The following AHCYL1 variants were observed in gnomAD, a reference collection of about 807,000 sequenced individuals.
The protein encoded by AHCYL1 is S-adenosylhomocysteine hydrolase-like protein 1.
In AHCYL1, 20 loss-of-function variants were observed where a neutral mutation model predicts 79.3. That is an observed-to-expected ratio of 0.25 (90% CI 0.18 to 0.37). The LOEUF is 0.37. Among genes scored for constraint, AHCYL1 ranks in the 10% least tolerant of loss-of-function variants. The probability of loss-of-function intolerance (pLI) is 1.00; values close to 1 mark genes in which losing one functional copy is unlikely to be tolerated. For synonymous variants in AHCYL1, 223 were observed against 242.2 expected (o/e 0.92, Z 0.74); for missense variants, 330 against 673.6 (o/e 0.49, Z 5.65).
intron 1 of AHCYL1, among the ~76,000 whole-genome samples, chr1:109,985,839 C>A (rs573037174): frequency 6.6e-6 from 1 of 152,242 alleles, no homozygotes; most frequent in Non-Finnish European, 1.5e-5. Context: ...TTAGGCATCC[C>A]TGGAGAAAGG....
chr1:110,005,594 T>A (rs1650597258), intron 1 of AHCYL1, among the ~76,000 whole-genome samples: 1 of 152,220 alleles, frequency 6.6e-6, no homozygotes, highest in African/African-American at 2.4e-5. Flanking sequence ...TGATCACCAT[T>A]TCTTGGCTAA....
chr1:110,020,978 C>A, intron 16 of AHCYL1, 127 bp downstream of exon 16: 1 of 1,391,350 alleles, frequency 7.2e-7, no homozygotes, highest in Non-Finnish European at 9.5e-7. Context: ...CTGTTCCAGG[C>A]CAGGCACGGT....
chr1:109,997,890 T>C (rs1265226410), intron 1 of AHCYL1, among the ~76,000 whole-genome samples: 1 of 152,210 alleles, frequency 6.6e-6, no homozygotes, highest in African/African-American at 2.4e-5. Flanking sequence ...ACTTTCCATA[T>C]GCACACTGGA....
rs2101735257 is a variant in AHCYL1 at position 110,014,789 on chromosome 1, G to A, written c.607G>A (p.Glu203Lys). ...AGVAVFAWKG[E>K]SEDDFWWCID... Reference sequence around the variant, plus strand: ...AGTTGCAGTGTTCGCTTGGAAGGGCGAGTCAGAAGATGACTTCTGGTGGTG... The same window carrying A: ...AGTTGCAGTGTTCGCTTGGAAGGGCAAGTCAGAAGATGACTTCTGGTGGTG... Residue 203 changes from glutamate to lysine, a missense_variant, in exon 6 of 17, where the codon GAG becomes AAG. Glu to Lys is a moderately conservative substitution (Grantham distance 56, BLOSUM62 1). Transcript: ENST00000369799. 4 of 1,614,176 alleles carry A rather than the reference G, an allele frequency of 2.5e-6. No individual in the cohort carries two copies. Among genetic ancestry groups the A allele is most frequent in the East Asian group, 2.2e-5 (1 of 44,884 alleles).
chr1:110,012,849 T>C (rs986830503), intron 4 of AHCYL1, 48 bp from the exon 5 acceptor site: 1 of 1,464,282 alleles, frequency 6.8e-7, no homozygotes, highest in Non-Finnish European at 9.4e-7. Context: ...TCTCCATTCC[T>C]GGGTGGCCCT....
chr1:109,993,778 C>T (rs1239889279), intron 1 of AHCYL1, among the ~76,000 whole-genome samples: 1 of 152,138 alleles, frequency 6.6e-6, no homozygotes, highest in African/African-American at 2.4e-5. Context: ...AATTTCTCAC[C>T]ATTGAAACAA....
At position 110,022,217 on chromosome 1, in the gene AHCYL1, T is replaced by A. The variant is rs1651845400; in HGVS notation, c.*537T>A. 1 of 153,066 alleles carries A rather than the reference T, an allele frequency of 6.5e-6. No individual in the cohort carries two copies. Among genetic ancestry groups the A allele is most frequent in the South Asian group, 2.1e-4 (1 of 4,850 alleles). 9.5% of individuals were successfully genotyped at this position (153,066 alleles called of 1,614,324 possible). On this transcript the variant is annotated 3_prime_UTR_variant, in exon 17 of 17. Transcript: ENST00000369799. ...AGGTGGTATGTCCAGTTCAGAGATGTGTATAATGAGCATGGCTTGTTAAGA... is the reference window on the plus strand; with the variant it reads ...AGGTGGTATGTCCAGTTCAGAGATGAGTATAATGAGCATGGCTTGTTAAGA...
rs747463826 is a variant in AHCYL1, at chr1:110,015,495, G to A, written c.746G>A (p.Arg249Gln). Reference sequence around the variant, plus strand: ...TATCCAAACGTGTTTAAGAAGATCCGAGGCATTGTGGAAGAGAGCGTGACT... The same window carrying A: ...TATCCAAACGTGTTTAAGAAGATCCAAGGCATTGTGGAAGAGAGCGTGACT... ...KKYPNVFKKI[R>Q]GIVEESVTGV... is the part of the protein sequence containing the mutation. The change falls in exon 7 of 17, where the codon CGA becomes CAA. Residue 249 changes from arginine (R) to glutamine (Q), a missense_variant. Physicochemically the swap from Arg to Gln is conservative, Grantham distance 43. Around this residue, in one of 6 missense-constraint regions of AHCYL1, gnomAD observed 17 missense variants for 45.6 expected, o/e 0.37. Coordinates refer to ENST00000369799, the MANE Select transcript of AHCYL1 (RefSeq NM_006621.7). The A allele has an allele frequency of 7.4e-6, 12 of 1,614,080 alleles. No individual in the cohort carries two copies. Among genetic ancestry groups the A allele is most frequent in the Admixed American group, 1.7e-5 (1 of 60,006 alleles).
intron 13 of AHCYL1, 117 bp from the exon 14 acceptor site, chr1:110,018,934 T>C: frequency 1.0e-6 from 1 of 966,270 alleles, no homozygotes; most frequent in South Asian, 1.4e-5. Context: ...GAACTGTAAT[T>C]CTTCCTCTTC....
chr1:110,010,376 G>A (rs1570878191), intron 2 of AHCYL1, among the ~76,000 whole-genome samples: 1 of 152,280 alleles, frequency 6.6e-6, no homozygotes, highest in African/African-American at 2.4e-5. Context: ...ACCGTGATGA[G>A]GAAAGTACTC....
intron 1 of AHCYL1, 152 bp from the exon 2 acceptor site, chr1:110,008,882 G>A (rs967772852): frequency 3.6e-5 from 20 of 549,946 alleles, no homozygotes; most frequent in Admixed American, 6.1e-5. Flanking sequence ...GAGTAGCCTC[G>A]GCCTTCCCCC....
chr1:109,985,237 C>T, intron 1 of AHCYL1, 65 bp downstream of exon 1: 1 of 1,553,172 alleles, frequency 6.4e-7, no homozygotes, highest in African/African-American at 1.4e-5. Flanking sequence ...CGCGAGCAAG[C>T]CCGGGCTCTG....
At position 110,016,386 on chromosome 1, in the gene AHCYL1, C is replaced by G. The variant is rs375435451; in HGVS notation, c.825C>G (p.Ala275=). ...AAGCTGGGAAGCTCTGTGTTCCGGC[C>G]ATGAACGTCAATGATTCTGTTACCA... is the stretch of plus-strand genomic sequence containing the variant. ...LSKAGKLCVP[A]MNVNDSVTKQ... Residue 275 remains alanine (A), a synonymous_variant, in exon 8 of 17, where the codon GCC becomes GCG. Transcript: ENST00000369799. 65 of 1,613,966 alleles carry G rather than the reference C, an allele frequency of 4.0e-5. No individual in the cohort carries two copies. The highest frequency in any genetic ancestry group is 5.4e-5 in the Non-Finnish European group (64 of 1,180,006).
chr1:109,991,863 G>A (rs919726216), intron 1 of AHCYL1, among the ~76,000 whole-genome samples: 9 of 152,216 alleles, frequency 5.9e-5, no homozygotes, highest in Admixed American at 4.6e-4. Flanking sequence ...TTTGAGCAAT[G>A]AGAGGATTTT....
At chr1:110,019,141 T>TA (rs1216551510) in intron 14 of AHCYL1, 22 bp downstream of exon 14, 1 of 1,608,706 alleles carries the variant, frequency 6.2e-7, no homozygotes, top group African/African-American at 1.3e-5. Context: ...AATGCCTGCT[T>TA]ACACTGCACT....
intron 1 of AHCYL1, chr1:110,004,506 A>C (rs1650522357): frequency 1.0e-6 from 1 of 983,858 alleles, no homozygotes. Context: ...TTTGGGAAAC[A>C]CTTTTTTTTT....
intron 1 of AHCYL1, among the ~76,000 whole-genome samples, chr1:109,988,112 A>C (rs1229189395): frequency 6.6e-6 from 1 of 152,256 alleles, no homozygotes; most frequent in Non-Finnish European, 1.5e-5. Context: ...GGTTGATCAC[A>C]TGCAACTTGA....
intron 1 of AHCYL1, among the ~76,000 whole-genome samples, chr1:109,998,504 G>A (rs1650136277): frequency 1.3e-5 from 2 of 152,082 alleles, no homozygotes; most frequent in South Asian, 2.1e-4. Flanking sequence ...TTGAGACGGA[G>A]TTTCACTCAT....
chr1:110,003,914 G>A (rs1279051365), intron 1 of AHCYL1: 15 of 985,182 alleles, frequency 1.5e-5, no homozygotes, highest in African/African-American at 1.7e-5. Flanking sequence ...AGCACTTTAG[G>A]AGATAATAGT....
Sources: allele counts gnomAD v4.1 joint callset (sites outside exome capture counted in the v4.1 genomes callset), GRCh38; gene constraint gnomAD v4.1.1; regional missense constraint gnomAD v4.1.1; transcripts MANE v1.5; gene names NCBI Gene and HGNC (gene_info 2026-07-23, HGNC 2026-07-21).